Variants in DTD1 observed in about 807,000 individuals in gnomAD.
DTD1 encodes the protein D-aminoacyl-tRNA deacylase 1.
DTD1 carries 13 observed loss-of-function variants against 25.6 expected under a neutral mutation model. The ratio of observed to expected loss-of-function variants is 0.51; its 90% confidence interval spans 0.33 to 0.81. The LOEUF (loss-of-function observed/expected upper bound fraction) is 0.81. Ranked by LOEUF, DTD1 falls within the 30% of genes least tolerant of loss-of-function variation. The probability of loss-of-function intolerance (pLI) is 0.02; values close to 1 mark genes in which losing one functional copy is unlikely to be tolerated. For missense variants in DTD1, 193 were observed against 266.4 expected (o/e 0.72, Z 1.92); for synonymous variants, 110 against 103.6 (o/e 1.06, Z -0.37).
intron 4 of DTD1, among the ~76,000 whole-genome samples, chr20:18,727,165 A>C (rs924367757): frequency 6.6e-6 from 1 of 152,218 alleles, no homozygotes; most frequent in African/African-American, 2.4e-5. Context: ...GGGTGGGAGC[A>C]GAGGGGCCTG....
chr20:18,679,901 C>T (rs1328084600), intron 4 of DTD1, among the ~76,000 whole-genome samples: 1 of 152,106 alleles, frequency 6.6e-6, no homozygotes, highest in Non-Finnish European at 1.5e-5. Flanking sequence ...TATGGTGGTT[C>T]CTGGGGATGC....
At chr20:18,696,081 T>A (rs1490299290) in intron 4 of DTD1, among the ~76,000 whole-genome samples, 2 of 152,132 alleles carry the variant, frequency 1.3e-5, no homozygotes, top group Non-Finnish European at 2.9e-5. Flanking sequence ...TTTTGTAGAC[T>A]CCTATTTGAC....
intron 4 of DTD1, among the ~76,000 whole-genome samples, chr20:18,657,731 C>A (rs1373014588): frequency 6.6e-6 from 1 of 152,186 alleles, no homozygotes; most frequent in Non-Finnish European, 1.5e-5. Context: ...CATATAGTAT[C>A]TCATGTAGTT....
At chr20:18,620,752 C>A (rs6081250) in intron 3 of DTD1, among the ~76,000 whole-genome samples, 47,710 of 151,758 alleles carry the variant, frequency 0.31, 8,198 homozygotes, top group South Asian at 0.42. Flanking sequence ...TGCCACCATA[C>A]TTAATTTAAA....
At chr20:18,681,328 T>C (rs1254941180) in intron 4 of DTD1, among the ~76,000 whole-genome samples, 6 of 152,210 alleles carry the variant, frequency 3.9e-5, no homozygotes, top group Non-Finnish European at 8.8e-5. Flanking sequence ...AGGCGTGCAA[T>C]TATTTTAAGC....
chr20:18,648,742 T>A (rs540697262), intron 4 of DTD1, among the ~76,000 whole-genome samples: 5 of 152,048 alleles, frequency 3.3e-5, no homozygotes, highest in Admixed American at 2.0e-4. Flanking sequence ...CAGTGCCAGT[T>A]TTAAATGAAA....
intron 5 of DTD1, among the ~76,000 whole-genome samples, chr20:18,750,505 A>C (rs1349009155): frequency 6.6e-6 from 1 of 152,230 alleles, no homozygotes; most frequent in Admixed American, 6.5e-5. Flanking sequence ...AAGGCAAAAG[A>C]AAATTGAATG....
At chr20:18,665,872 A>G (rs1291770862) in intron 4 of DTD1, among the ~76,000 whole-genome samples, 3 of 152,232 alleles carry the variant, frequency 2.0e-5, no homozygotes, top group Non-Finnish European at 4.4e-5. Context: ...AGTTGCAAAA[A>G]TAGAAATGTT....
chr20:18,635,929 C>G (rs1319475540), intron 4 of DTD1, among the ~76,000 whole-genome samples: 4 of 152,162 alleles, frequency 2.6e-5, no homozygotes. Context: ...TGGAATATGT[C>G]TGGTAAATTA....
At chr20:18,719,619 TC>T (rs796102558) in intron 4 of DTD1, among the ~76,000 whole-genome samples, 24 of 152,340 alleles carry the variant, frequency 1.6e-4, no homozygotes, top group African/African-American at 5.5e-4. Flanking sequence ...GATGAAGAGT[TC>T]CTGGAGACTG....
At chr20:18,608,187 T>G (rs1303191130) in intron 3 of DTD1, among the ~76,000 whole-genome samples, 1 of 152,152 alleles carries the variant, frequency 6.6e-6, no homozygotes, top group Admixed American at 6.5e-5. Context: ...CTTACCCTCT[T>G]TTTAATGTCC....
rs546870711 is a variant in DTD1 at position 18,726,116 on chromosome 20, CAT to C, written c.478-17983_478-17982del. Among the ~76,000 whole-genome samples the C allele has an allele frequency of 3.5e-3, 527 of 152,306 alleles. 1 individual carries two copies. The highest frequency in any genetic ancestry group is 0.012 in the African/African-American group (486 of 41,564). The stretch of plus-strand genomic sequence containing the variant: ...TCAAGTTCACTTGTCTAGATCCTCA[CAT>C]GTTTAGGGATGTGTCTGAATTTACA... On this transcript the variant is annotated intron_variant, in intron 4 of 5. Transcript: ENST00000377452.
At chr20:18,589,383 AAAAAC>A (rs139610501) in intron 1 of DTD1, among the ~76,000 whole-genome samples, 89,186 of 150,846 alleles carry the variant, frequency 0.59, 26,653 homozygotes, top group Middle Eastern at 0.65. Flanking sequence ...CCCCAAAACA[AAAAAC>A]AAAACAAAAC....
chr20:18,595,785 AAAC>A (rs1300811847), intron 2 of DTD1, among the ~76,000 whole-genome samples: 2 of 152,162 alleles, frequency 1.3e-5, no homozygotes, highest in African/African-American at 2.4e-5. Flanking sequence ...AGCAATCTCA[AAAC>A]AACCGTGTGA....
At position 18,765,924 on chromosome 20, in the gene DTD1, C is replaced by T. The variant is rs2061377610; in HGVS notation, c.*2584C>T. On this transcript the variant is annotated 3_prime_UTR_variant, in exon 6 of 6. Transcript: ENST00000377452. ...CTGAGAAGCCTTGGCAGATCACAGACCCAGGACTTTAAACAGAGTGCTGTG... is the reference window on the plus strand; with the variant it reads ...CTGAGAAGCCTTGGCAGATCACAGATCCAGGACTTTAAACAGAGTGCTGTG... 1 of 152,208 alleles carries T rather than the reference C, an allele frequency of 6.6e-6. No individual in the cohort carries two copies. Among genetic ancestry groups the T allele is most frequent in the South Asian group, 2.1e-4 (1 of 4,828 alleles). The allele number at this position is 152,208 out of a possible 1,614,324, so 9.4% of individuals were successfully genotyped here.
intron 4 of DTD1, chr20:18,698,520 T>C (rs933195990): frequency 6.6e-6 from 1 of 152,286 alleles, no homozygotes; most frequent in Non-Finnish European, 1.5e-5. Context: ...ATTGACTGTT[T>C]CCGAGCAGAG....
At chr20:18,591,288 G>C (rs1185469585) in intron 1 of DTD1, among the ~76,000 whole-genome samples, 1 of 152,096 alleles carries the variant, frequency 6.6e-6, no homozygotes, top group Non-Finnish European at 1.5e-5. Context: ...AAAATTCTTT[G>C]ACAGTGATTC....
chr20:18,598,487 A>C (rs2060620699), intron 3 of DTD1, among the ~76,000 whole-genome samples: 1 of 151,762 alleles, frequency 6.6e-6, no homozygotes, highest in African/African-American at 2.4e-5. Flanking sequence ...CTTTGGGTGT[A>C]TACTCAGTAA....
At chr20:18,620,870 TA>T (rs2060731245) in intron 3 of DTD1, among the ~76,000 whole-genome samples, 1 of 152,202 alleles carries the variant, frequency 6.6e-6, no homozygotes, top group African/African-American at 2.4e-5. Context: ...CCTGGAACTA[TA>T]GGTGCATACC....
Sources: gnomAD v4.1 joint callset for allele counts (sites outside exome capture counted in the v4.1 genomes callset) on GRCh38, gnomAD v4.1.1 for gene constraint, MANE v1.5 for transcripts, NCBI Gene and HGNC (gene_info 2026-07-23, HGNC 2026-07-21) for gene names.